The following METTL15 variants were observed in gnomAD, a reference collection of about 807,000 sequenced individuals.
The protein encoded by METTL15 is 12S rRNA N(4)-cytidine methyltransferase METTL15.
Under a neutral mutation model 38.3 loss-of-function variants are expected in METTL15, and 34 were observed. That is an observed-to-expected ratio of 0.89 (90% CI 0.68 to 1.18). The LOEUF (loss-of-function observed/expected upper bound fraction) is 1.18. Ranked by LOEUF, METTL15 falls within the 50% of genes most tolerant of loss-of-function variation. The pLI, the probability that METTL15 is intolerant of heterozygous loss-of-function variation, is 0.00. For synonymous variants in METTL15, 162 were observed against 170.9 expected (o/e 0.95, Z 0.41); for missense variants, 438 against 498.4 (o/e 0.88, Z 1.15).
At position 28,127,004 on chromosome 11, in the gene METTL15, G is replaced by C. The variant is rs530984743; in HGVS notation, c.270+13400G>C. 2.0e-5 allele frequency among the ~76,000 whole-genome samples: 3 copies of C among 152,226 alleles called. No individual in the cohort carries two copies. In the South Asian group the frequency reaches 6.2e-4, roughly 32 times the overall value. Reference sequence around the variant, plus strand: ...AAGAGGAAAGGGAACATGTACAAAAGTTCTGTGCTGGGAAGGAGCTTGGTA... The same window carrying C: ...AAGAGGAAAGGGAACATGTACAAAACTTCTGTGCTGGGAAGGAGCTTGGTA... On this transcript the variant is annotated intron_variant, in intron 3 of 6. Transcript: ENST00000407364.
At chr11:28,508,868 ACCAAAGTACCTGGT>A (rs1162186351) in intron 6 of METTL15, among the ~76,000 whole-genome samples, 1 of 152,240 alleles carries the variant, frequency 6.6e-6, no homozygotes. Flanking sequence ...TAGGGATAAG[ACCAAAGTACCTGGT>A]CCTGGTTTGG....
intron 3 of METTL15, among the ~76,000 whole-genome samples, chr11:28,175,615 G>T (rs1645078974): frequency 6.6e-6 from 1 of 152,222 alleles, no homozygotes; most frequent in East Asian, 1.9e-4. Flanking sequence ...TCTTAAACCT[G>T]CATCTCCTCA....
At chr11:28,368,184 A>C (rs531012610) in intron 5 of METTL15, among the ~76,000 whole-genome samples, 2 of 151,736 alleles carry the variant, frequency 1.3e-5, no homozygotes, top group South Asian at 4.1e-4. Flanking sequence ...AACAGAAAAA[A>C]AAACACAACT....
intron 6 of METTL15, among the ~76,000 whole-genome samples, chr11:28,462,705 C>T (rs931445991): frequency 1.3e-5 from 2 of 151,958 alleles, no homozygotes; most frequent in African/African-American, 4.8e-5. Flanking sequence ...TCTGAATGGT[C>T]CAACTTGGAT....
intron 3 of METTL15, chr11:28,197,621 A>G (rs1467222781): frequency 1.9e-5 from 6 of 323,366 alleles, no homozygotes; most frequent in African/African-American, 1.3e-4. Context: ...AACTTGTGCT[A>G]TCTGAAGTCA....
intron 6 of METTL15, among the ~76,000 whole-genome samples, chr11:28,426,584 G>GTT (rs66959082): frequency 0.022 from 1,768 of 81,914 alleles, 40 homozygotes; most frequent in African/African-American, 0.071. Context: ...GCCAGCATCT[G>GTT]TTTTTTTTTT....
intron 4 of METTL15, among the ~76,000 whole-genome samples, chr11:28,251,189 T>C (rs1407369571): frequency 6.6e-6 from 1 of 152,026 alleles, no homozygotes; most frequent in Non-Finnish European, 1.5e-5. Flanking sequence ...TACTCCCTTT[T>C]CATATTATTC....
chr11:28,492,794 G>A (rs566980476), intron 6 of METTL15, among the ~76,000 whole-genome samples: 1 of 152,262 alleles, frequency 6.6e-6, no homozygotes, highest in South Asian at 2.1e-4. Context: ...TTTAAGGTAT[G>A]TGAGGCACCT....
chr11:28,343,603 T>A (rs1849973556), intron 3 of METTL15, among the ~76,000 whole-genome samples: 1 of 152,238 alleles, frequency 6.6e-6, no homozygotes, highest in Non-Finnish European at 1.5e-5. Context: ...TTGAACAGGA[T>A]CAAATGCTAA....
intron 4 of METTL15, among the ~76,000 whole-genome samples, chr11:28,289,482 T>C (rs1313332521): frequency 1.3e-5 from 2 of 152,122 alleles, no homozygotes. Flanking sequence ...CTCTTCTCAT[T>C]CACCTTCCAA....
intron 4 of METTL15, among the ~76,000 whole-genome samples, chr11:28,278,781 A>C (rs1855937613): frequency 6.6e-6 from 1 of 151,990 alleles, no homozygotes; most frequent in Admixed American, 6.6e-5. Flanking sequence ...TATTTTGTTA[A>C]TATTCATTAC....
intron 5 of METTL15, among the ~76,000 whole-genome samples, chr11:28,372,232 T>A (rs1022333061): frequency 1.4e-4 from 21 of 152,038 alleles, no homozygotes; most frequent in African/African-American, 4.8e-4. Context: ...ATTGAAATTA[T>A]CATATGGTTT....
chr11:28,237,786 G>C (rs1297775427), intron 4 of METTL15, among the ~76,000 whole-genome samples: 1 of 152,128 alleles, frequency 6.6e-6, no homozygotes, highest in Admixed American at 6.5e-5. Flanking sequence ...TTTTTGGTGT[G>C]GATGTCCTTT....
At chr11:28,200,100 A>T (rs1488741568) in intron 3 of METTL15, among the ~76,000 whole-genome samples, 10 of 152,132 alleles carry the variant, frequency 6.6e-5, no homozygotes, top group Admixed American at 6.6e-4. Flanking sequence ...TCCAAATGGC[A>T]TGCTTTGTGA....
intron 6 of METTL15, among the ~76,000 whole-genome samples, chr11:28,301,672 A>G (rs1856917404): frequency 1.3e-5 from 2 of 152,120 alleles, no homozygotes; most frequent in African/African-American, 2.4e-5. Flanking sequence ...AATATTTTAG[A>G]TATATTAGGT....
At chr11:28,458,438 G>C (rs1190360421) in intron 6 of METTL15, among the ~76,000 whole-genome samples, 1 of 152,142 alleles carries the variant, frequency 6.6e-6, no homozygotes, top group Non-Finnish European at 1.5e-5. Flanking sequence ...ATGTTTTATA[G>C]CTCCCAAGTA....
intron 4 of METTL15, among the ~76,000 whole-genome samples, chr11:28,225,679 G>A (rs1473124458): frequency 6.6e-6 from 1 of 151,566 alleles, no homozygotes; most frequent in Non-Finnish European, 1.5e-5. Context: ...AAATATTACT[G>A]GTTGGTCACT....
chr11:28,299,802 A>G (rs1856852564), intron 6 of METTL15, among the ~76,000 whole-genome samples: 2 of 152,168 alleles, frequency 1.3e-5, no homozygotes, highest in Non-Finnish European at 1.5e-5. Flanking sequence ...GAAGTCTGAA[A>G]TCAAGATGTT....
At chr11:28,412,321 G>C (rs750736640) in intron 5 of METTL15, among the ~76,000 whole-genome samples, 47 of 151,380 alleles carry the variant, frequency 3.1e-4, no homozygotes, top group Non-Finnish European at 6.3e-4. Context: ...TATTTACAAT[G>C]GTCAAAATAT....
Sources: allele counts gnomAD v4.1 joint callset (sites outside exome capture counted in the v4.1 genomes callset), GRCh38; gene constraint gnomAD v4.1.1; transcripts MANE v1.5; gene names NCBI Gene and HGNC (gene_info 2026-07-23, HGNC 2026-07-21).